Variants in RILPL1 observed in about 807,000 individuals in gnomAD.
RILPL1 encodes the protein Rab interacting lysosomal protein like 1.
RILPL1 carries 33 observed loss-of-function variants against 50.3 expected under a neutral mutation model. The ratio of observed to expected loss-of-function variants is 0.66; its 90% CI spans 0.50 to 0.88. The LOEUF is 0.88. RILPL1 is among the 40% of genes least tolerant of loss of function. The pLI, the probability that RILPL1 is intolerant of heterozygous loss-of-function variation, is 0.00. For synonymous variants in RILPL1, 205 were observed against 228.6 expected (o/e 0.90, Z 0.93); for missense variants, 418 against 542.5 (o/e 0.77, Z 2.28).
intron 1 of RILPL1, among the ~76,000 whole-genome samples, chr12:123,532,217 C>T (rs28421797): frequency 0.035 from 5,383 of 152,324 alleles, 137 homozygotes; most frequent in South Asian, 0.064. Context: ...AAAGGTGTTT[C>T]CTCCCATTCT....
chr12:123,518,237 C>T, intron 2 of RILPL1: 1 of 318,930 alleles, frequency 3.1e-6, no homozygotes, highest in Admixed American at 4.4e-5. Flanking sequence ...GGTGCGGTTG[C>T]TCACACCTGT....
chr12:123,500,803 G>T (rs146682737), intron 2 of RILPL1, among the ~76,000 whole-genome samples: 34 of 152,140 alleles, frequency 2.2e-4, no homozygotes, highest in African/African-American at 7.7e-4. Context: ...ACAGAGAAAG[G>T]TTCTCTAAAA....
intron 2 of RILPL1, among the ~76,000 whole-genome samples, chr12:123,500,887 C>T (rs1253195526): frequency 1.3e-5 from 2 of 150,058 alleles, no homozygotes; most frequent in Non-Finnish European, 3.0e-5. Flanking sequence ...GTTGGATCAC[C>T]TGAGGTCAGG....
At chr12:123,482,710 C>T (rs939540074) in intron 6 of RILPL1, among the ~76,000 whole-genome samples, 7 of 151,706 alleles carry the variant, frequency 4.6e-5, no homozygotes, top group African/African-American at 1.5e-4. Context: ...CCTCAACCTC[C>T]TGGGCTCAAA....
rs144185777 is a variant in RILPL1 at position 123,522,322 on chromosome 12, G to A, written c.460+1173C>T. Among the ~76,000 whole-genome samples the A allele has an allele frequency of 6.8e-3, 1,043 of 152,268 alleles. 9 individuals carry two copies. Among genetic ancestry groups the A allele is most frequent in the Middle Eastern group, 0.014 (4 of 294 alleles). On this transcript the variant is annotated intron_variant, in intron 2 of 6. Coordinates refer to ENST00000376874, the MANE Select transcript of RILPL1 (RefSeq NM_178314.5). This position sits in a 1 kb window ranked among gnomAD's most constrained non-coding sequence, Gnocchi z 4.0. ...CAGCCCCGCCTGGCCCGAATCTTGC[G>A]GCCCATTTGTCCTTTTCCCAGCACC...
At chr12:123,487,706 T>C (rs575521052) in intron 4 of RILPL1, among the ~76,000 whole-genome samples, 1 of 152,358 alleles carries the variant, frequency 6.6e-6, no homozygotes, top group East Asian at 1.9e-4. Flanking sequence ...TGGTTTCCAC[T>C]CTTTGGCTAA....
intron 2 of RILPL1, among the ~76,000 whole-genome samples, chr12:123,517,848 G>T (rs1239482225): frequency 6.6e-6 from 1 of 152,184 alleles, no homozygotes. Flanking sequence ...TCAGCTGGTG[G>T]ATAAACAAAT....
intron 1 of RILPL1, among the ~76,000 whole-genome samples, chr12:123,525,063 C>T (rs1418819800): frequency 2.6e-5 from 4 of 151,966 alleles, no homozygotes; most frequent in African/African-American, 9.7e-5. Context: ...AGCTGGGAAG[C>T]GGAGTTTGCA....
chr12:123,509,430 G>GCA (rs1883951211), intron 2 of RILPL1, among the ~76,000 whole-genome samples: 1 of 152,006 alleles, frequency 6.6e-6, no homozygotes, highest in Non-Finnish European at 1.5e-5. Flanking sequence ...AGGCATGGTG[G>GCA]CGCATGCCTG....
At chr12:123,501,287 T>A (rs9330649) in intron 2 of RILPL1, among the ~76,000 whole-genome samples, 32,699 of 151,328 alleles carry the variant, frequency 0.22, 3,707 homozygotes, top group Middle Eastern at 0.27. Flanking sequence ...AAGATTTTTT[T>A]TTTTTTAACT....
chr12:123,506,841 T>C (rs1883781247), intron 2 of RILPL1, among the ~76,000 whole-genome samples: 1 of 152,080 alleles, frequency 6.6e-6, no homozygotes, highest in Admixed American at 6.6e-5. Context: ...CCGATGGCCA[T>C]GGGGGGCATG....
intron 1 of RILPL1, among the ~76,000 whole-genome samples, chr12:123,530,043 T>C (rs1012196664): frequency 6.6e-6 from 1 of 152,070 alleles, no homozygotes; most frequent in Admixed American, 6.6e-5. Context: ...TTCAAAGATG[T>C]AGTAGGAAAA....
chr12:123,481,118 A>T (rs183717459), intron 6 of RILPL1, among the ~76,000 whole-genome samples: 7,694 of 152,190 alleles, frequency 0.051, 597 homozygotes, highest in African/African-American at 0.17. Context: ...GCACTTTGGG[A>T]GGCCGAGGCG....
intron 6 of RILPL1, among the ~76,000 whole-genome samples, chr12:123,480,302 A>C (rs748147607): frequency 1.3e-5 from 2 of 151,552 alleles, no homozygotes; most frequent in Non-Finnish European, 2.9e-5. Context: ...CTGGGATTAC[A>C]GGTGCCCACC....
At chr12:123,527,441 C>T (rs917390755) in intron 1 of RILPL1, among the ~76,000 whole-genome samples, 4 of 151,224 alleles carry the variant, frequency 2.6e-5, no homozygotes, top group East Asian at 1.9e-4. Flanking sequence ...GAGTTCGAGA[C>T]CAGCCTGGAC....
intron 2 of RILPL1, among the ~76,000 whole-genome samples, chr12:123,511,829 GAGATCT>G (rs1884276136): frequency 7.7e-6 from 1 of 130,358 alleles, no homozygotes; most frequent in East Asian, 2.5e-4. Context: ...GTGTGTGTGT[GAGATCT>G]GTATGTGTGA....
rs543491930 is a variant in RILPL1 at position 123,489,766 on chromosome 12, C to T, written c.802-3961G>A. ...GTGGTCTCTATGCATGGGGTCTTGA[C>T]GAATATGTAGGAGTTCACCAGGAAC... is the stretch of plus-strand genomic sequence containing the variant. On this transcript the variant is annotated intron_variant, in intron 4 of 6. Transcript: ENST00000376874. The surrounding 1 kb of genome is among the most constrained non-coding windows in gnomAD (Gnocchi z 4.0). Among the ~76,000 whole-genome samples, 5 of 151,908 alleles carry T rather than the reference C, an allele frequency of 3.3e-5. No individual in the cohort carries two copies. The highest frequency in any genetic ancestry group is 2.1e-4 in the South Asian group (1 of 4,820).
rs373994194 is a variant in RILPL1, at chr12:123,499,556, C to T, written c.461-20G>A. On this transcript the variant is annotated intron_variant, in intron 2 of 6. Coordinates refer to ENST00000376874, the MANE Select transcript of RILPL1 (RefSeq NM_178314.5). ...ACATGCCTGGGTGGGCAAGTGAGACCGGCAGGTGAGCCCGCCTTACTCCTA... is the reference window on the plus strand; with the variant it reads ...ACATGCCTGGGTGGGCAAGTGAGACTGGCAGGTGAGCCCGCCTTACTCCTA... The T allele has an allele frequency of 1.1e-5, 18 of 1,572,462 alleles. No homozygotes were observed. Among genetic ancestry groups the T allele is most frequent in the African/African-American group, 5.4e-5 (4 of 74,094 alleles).
At chr12:123,521,674 TATATATATATACACAC>T (rs1885054463) in intron 2 of RILPL1, among the ~76,000 whole-genome samples, 1 of 26,150 alleles carries the variant, frequency 3.8e-5, no homozygotes, top group Non-Finnish European at 7.1e-5. Context: ...TATATATAAA[TATATATATATACACAC>T]ATATATGTAT....
Sources: gnomAD v4.1 joint callset for allele counts (sites outside exome capture counted in the v4.1 genomes callset) on GRCh38, gnomAD v4.1.1 for gene constraint, Gnocchi (gnomAD v3.1) non-coding constraint, MANE v1.5 for transcripts, NCBI Gene and HGNC (gene_info 2026-07-23, HGNC 2026-07-21) for gene names.